GPHN: variants seen among roughly 807,000 people sequenced by gnomAD.
GPHN encodes the protein gephyrin.
A neutral mutation model predicts 95.5 loss-of-function variants in GPHN; 17 were observed. That is an observed-to-expected ratio of 0.18 (90% CI 0.12 to 0.27). The LOEUF is 0.27. Among genes scored for constraint, GPHN ranks in the 10% least tolerant of loss-of-function variants. The pLI is 1.00. For missense variants in GPHN, 660 were observed against 978.1 expected, an observed-to-expected ratio of 0.67 and a Z score of 4.34; for synonymous variants, 320 against 322.5, an observed-to-expected ratio of 0.99 and a Z score of 0.08.
chr14:66,749,730 T>C (rs1242510434), intron 2 of GPHN, among the ~76,000 whole-genome samples: 2 of 152,020 alleles, frequency 1.3e-5, no homozygotes, highest in Non-Finnish European at 1.5e-5. Flanking sequence ...TCTCTTTGTA[T>C]ATTTTGTATA....
chr14:67,227,493 T>C, the GPHN span: 1 of 151,884 alleles, frequency 6.6e-6, no homozygotes, highest in Non-Finnish European at 1.5e-5. Flanking sequence ...TCCTTATATT[T>C]TGAATTGCTG....
the GPHN span, among the ~76,000 whole-genome samples, chr14:67,636,455 G>A: frequency 6.6e-6 from 1 of 152,232 alleles, no homozygotes; most frequent in Non-Finnish European, 1.5e-5. Flanking sequence ...TGTAGAGCGT[G>A]TAGCACAGTG....
At chr14:66,723,041 G>T (rs1473695566) in intron 2 of GPHN, among the ~76,000 whole-genome samples, 1 of 151,902 alleles carries the variant, frequency 6.6e-6, no homozygotes, top group Non-Finnish European at 1.5e-5. Flanking sequence ...TGCATATAGG[G>T]TTTTTTCCTG....
At chr14:66,524,950 A>G (rs968570722) in intron 1 of GPHN, among the ~76,000 whole-genome samples, 4 of 152,186 alleles carry the variant, frequency 2.6e-5, no homozygotes, top group Non-Finnish European at 4.4e-5. Flanking sequence ...ACAGTGCCGC[A>G]GTAAACATAC....
chr14:67,282,487 TTAAG>T, the GPHN span, among the ~76,000 whole-genome samples: 2 of 152,110 alleles, frequency 1.3e-5, no homozygotes, highest in Admixed American at 6.5e-5. Flanking sequence ...ATTGGCAAGA[TTAAG>T]TAATTGGGTG....
the GPHN span, among the ~76,000 whole-genome samples, chr14:67,284,544 T>G: frequency 1.7e-5 from 1 of 60,232 alleles, no homozygotes; most frequent in Non-Finnish European, 3.5e-5. Context: ...GAGGCTGCAG[T>G]GCTAAAAAAA....
chr14:67,445,577 CTTTTTTTTTTT>C, the GPHN span, among the ~76,000 whole-genome samples: 5 of 59,924 alleles, frequency 8.3e-5, no homozygotes, highest in East Asian at 4.8e-4. Context: ...AGAGGCAATT[CTTTTTTTTTTT>C]TTTTTTTTTT....
chr14:66,952,596 G>C (rs1367918127), intron 8 of GPHN, among the ~76,000 whole-genome samples: 1 of 152,190 alleles, frequency 6.6e-6, no homozygotes, highest in Non-Finnish European at 1.5e-5. Context: ...TTTTAAGGAA[G>C]TGCCAAACTA....
At chr14:67,606,044 A>C in the GPHN span, among the ~76,000 whole-genome samples, 2 of 152,206 alleles carry the variant, frequency 1.3e-5, no homozygotes, top group Non-Finnish European at 2.9e-5. Flanking sequence ...GTTGTCAGCC[A>C]TTAACCTAGC....
chr14:67,667,117 A>C, the GPHN span, among the ~76,000 whole-genome samples: 2 of 152,120 alleles, frequency 1.3e-5, no homozygotes, highest in African/African-American at 4.8e-5. Flanking sequence ...CTCCTTTGGG[A>C]AACTGGGTGG....
At chr14:67,316,295 T>C in the GPHN span, among the ~76,000 whole-genome samples, 3 of 152,112 alleles carry the variant, frequency 2.0e-5, no homozygotes, top group Non-Finnish European at 2.9e-5. Flanking sequence ...ATTTATATAA[T>C]TGGTAACTTA....
At chr14:67,522,661 T>C in the GPHN span, among the ~76,000 whole-genome samples, 1 of 152,240 alleles carries the variant, frequency 6.6e-6, no homozygotes, top group Non-Finnish European at 1.5e-5. Context: ...AAGTCACAGC[T>C]AGGTCCTGGG....
chr14:67,266,572 T>C, the GPHN span, among the ~76,000 whole-genome samples: 17 of 152,120 alleles, frequency 1.1e-4, no homozygotes, highest in Non-Finnish European at 2.1e-4. Context: ...GTGATCCACA[T>C]GCCTCGGCCT....
At chr14:67,279,654 A>G in the GPHN span, 5 of 1,023,002 alleles carry the variant, frequency 4.9e-6, no homozygotes, top group African/African-American at 8.1e-5. Context: ...TTTGAATTCC[A>G]GACCAAGATC....
intron 9 of GPHN, among the ~76,000 whole-genome samples, chr14:67,019,749 C>T (rs1401144246): frequency 6.6e-6 from 1 of 152,100 alleles, no homozygotes; most frequent in Non-Finnish European, 1.5e-5. Context: ...CCCCTGACAT[C>T]GCAGGGAACG....
intron 2 of GPHN, among the ~76,000 whole-genome samples, chr14:66,773,580 C>T (rs1435783272): frequency 1.3e-5 from 2 of 152,110 alleles, no homozygotes; most frequent in African/African-American, 4.8e-5. Context: ...TCTTGAACTC[C>T]TGACCTCGTG....
chr14:67,205,644 T>A, the GPHN span, among the ~76,000 whole-genome samples: 1 of 152,152 alleles, frequency 6.6e-6, no homozygotes, highest in African/African-American at 2.4e-5. Flanking sequence ...AAATGTTTCA[T>A]TCAGTTGGGC....
chr14:66,727,190 T>G (rs1034038439), intron 2 of GPHN, among the ~76,000 whole-genome samples: 2 of 152,216 alleles, frequency 1.3e-5, no homozygotes, highest in African/African-American at 2.4e-5. Context: ...AGACGTGACT[T>G]GCTCCTCCAT....
intron 3 of GPHN, among the ~76,000 whole-genome samples, chr14:66,781,817 A>G (rs1170929049): frequency 6.6e-6 from 1 of 152,124 alleles, no homozygotes; most frequent in African/African-American, 2.4e-5. Flanking sequence ...CGATTATGAA[A>G]AGTGATGCTA....
Sources: gnomAD v4.1 joint callset for allele counts (sites outside exome capture counted in the v4.1 genomes callset) on GRCh38, gnomAD v4.1.1 for gene constraint, MANE v1.5 for transcripts, NCBI Gene and HGNC (gene_info 2026-07-23, HGNC 2026-07-21) for gene names.